The following ATRX variants were observed in gnomAD, a reference collection of about 807,000 sequenced individuals.
ATRX encodes chromatin remodeler ATRX.
In ATRX, 12 loss-of-function variants were observed where a neutral mutation model predicts 172.6. That is an observed-to-expected ratio of 0.07 (90% CI 0.04 to 0.11). The LOEUF (loss-of-function observed/expected upper bound fraction) is 0.11. Among genes scored for constraint, ATRX ranks in the 10% least tolerant of loss-of-function variants. The pLI, the probability that ATRX is intolerant of heterozygous loss-of-function variation, is 1.00. For missense variants in ATRX, 1,368 were observed against 1,767.4 expected (o/e 0.77, Z 4.05); for synonymous variants, 674 against 594.7 (o/e 1.13, Z -1.94).
intron 23 of ATRX, 83 bp from the exon 24 acceptor site, chrX:77,599,903 G>C: frequency 1.2e-6 from 1 of 805,613 alleles, no homozygotes; most frequent in African/African-American, 2.0e-5. Context: ...TTAAGAATAA[G>C]TTAATTGGCA....
intron 9 of ATRX, among the ~76,000 whole-genome samples, chrX:77,677,874 C>T (rs1447608845): frequency 1.8e-5 from 2 of 110,817 alleles, no homozygotes; most frequent in East Asian, 5.6e-4. Flanking sequence ...AGGAAAAAAT[C>T]TATAAAGGAA....
At chrX:77,642,648 CCAAAAAAAAAA>C (rs1407928429) in intron 15 of ATRX, among the ~76,000 whole-genome samples, 1 of 99,822 alleles carries the variant, frequency 1.0e-5, no homozygotes, top group African/African-American at 3.7e-5. Context: ...AAGACTGTCT[CCAAAAAAAAAA>C]CAAAAAAAAA....
At chrX:77,749,643 C>T (rs183004925) in intron 1 of ATRX, among the ~76,000 whole-genome samples, 62 of 111,435 alleles carry the variant, frequency 5.6e-4, no homozygotes, top group African/African-American at 2.0e-3. Flanking sequence ...TACAGTAATC[C>T]CACTTTGTCC....
chrX:77,569,661 A>G (rs1333541793), intron 28 of ATRX, among the ~76,000 whole-genome samples: 1 of 111,997 alleles, frequency 8.9e-6, no homozygotes, highest in Non-Finnish European at 1.9e-5. Flanking sequence ...CAATAACTCA[A>G]AAAGAGAAAT....
chrX:77,530,868 C>T (rs781918694), intron 30 of ATRX, among the ~76,000 whole-genome samples: 49 of 110,354 alleles, frequency 4.4e-4, no homozygotes, highest in East Asian at 3.7e-3. Context: ...ATAGTTAGAC[C>T]GCTAGCTAGG....
chrX:77,771,831 G>A (rs1446582876), intron 1 of ATRX, among the ~76,000 whole-genome samples: 2 of 111,212 alleles, frequency 1.8e-5, no homozygotes, highest in Middle Eastern at 8.5e-3. Flanking sequence ...AAATATTTTT[G>A]CTTGTCACAA....
intron 1 of ATRX, among the ~76,000 whole-genome samples, chrX:77,757,032 C>T (rs781809665): frequency 1.8e-5 from 2 of 111,386 alleles, no homozygotes; most frequent in South Asian, 3.8e-4. Flanking sequence ...GTGATCCATC[C>T]GCTTCAACTT....
At position 77,753,899 on chromosome X, in the gene ATRX, T is replaced by C. The variant is rs139526758; in HGVS notation, c.20+32083A>G. On this transcript the variant is annotated intron_variant, in intron 1 of 34. Transcript: ENST00000373344. ...TTCACGTCCTGAATATTTTTGTTAA[T>C]TTTCTGTCTCAGTGATCTGTCTAAT... 3.5e-3 allele frequency among the ~76,000 whole-genome samples: 393 copies of C among 111,592 alleles called. 3 individuals carry two copies. The highest frequency in any genetic ancestry group is 0.012 in the African/African-American group (374 of 30,737).
chrX:77,548,740 G>A (rs782519996), intron 30 of ATRX, among the ~76,000 whole-genome samples: 134 of 112,072 alleles, frequency 1.2e-3, no homozygotes, highest in African/African-American at 4.2e-3. Flanking sequence ...ACCATCTGCC[G>A]GCTAATAAAA....
At chrX:77,613,575 T>C (rs1557095281) in intron 22 of ATRX, among the ~76,000 whole-genome samples, 1 of 112,351 alleles carries the variant, frequency 8.9e-6, no homozygotes, top group African/African-American at 3.2e-5. Context: ...ATTCACAGAA[T>C]GTGAAACCTA....
intron 1 of ATRX, among the ~76,000 whole-genome samples, chrX:77,737,099 C>CAA (rs1248308285): frequency 1.0e-5 from 1 of 96,254 alleles, no homozygotes. Flanking sequence ...TTAATGGGTA[C>CAA]AAAAAAAAAA....
At chrX:77,662,786 C>A (rs1557123557) in intron 12 of ATRX, among the ~76,000 whole-genome samples, 3 of 111,465 alleles carry the variant, frequency 2.7e-5, no homozygotes, top group African/African-American at 9.8e-5. Flanking sequence ...ACCTCCGCCT[C>A]CTGGGTTCAA....
chrX:77,725,607 C>A (rs1418691402), intron 1 of ATRX, among the ~76,000 whole-genome samples: 1 of 111,541 alleles, frequency 9.0e-6, no homozygotes, highest in Admixed American at 9.6e-5. Flanking sequence ...GCAACAAAAG[C>A]CAAAATTGAC....
Position 77,752,170 on chromosome X carries a change from T to C in ATRX, c.20+33812A>G, listed in dbSNP as rs138738183. On this transcript the variant is annotated intron_variant, in intron 1 of 34. Transcript: ENST00000373344. Reference sequence around the variant, plus strand: ...CCTTATTTCCTCAAGCAGTGGTTTGTAGTTCTCCTTGAAGAGGCCCTTCAC... The same window carrying C: ...CCTTATTTCCTCAAGCAGTGGTTTGCAGTTCTCCTTGAAGAGGCCCTTCAC... Among the ~76,000 whole-genome samples, 17 of 112,038 alleles carry C rather than the reference T, an allele frequency of 1.5e-4. No individual in the cohort carries two copies. The East Asian group carries it at 3.9e-3, about 26-fold the overall frequency.
At chrX:77,620,290 T>C (rs45450695) in intron 20 of ATRX, 105 bp downstream of exon 20, 31,611 of 906,512 alleles carry the variant, frequency 0.035, 520 homozygotes, top group East Asian at 0.097. Flanking sequence ...GATCATGGTC[T>C]AGGACTATAC....
intron 26 of ATRX, 36 bp downstream of exon 26, chrX:77,593,660 G>T (rs781785529): frequency 6.0e-6 from 7 of 1,158,440 alleles, no homozygotes; most frequent in Admixed American, 2.2e-5. Flanking sequence ...ATAATCAAAA[G>T]GTTAATTTAT....
intron 34 of ATRX, among the ~76,000 whole-genome samples, chrX:77,516,790 T>A (rs960422049): frequency 8.9e-6 from 1 of 111,969 alleles, no homozygotes; most frequent in Non-Finnish European, 1.9e-5. Flanking sequence ...TTCTTTTCCT[T>A]GGCACATAAA....
intron 13 of ATRX, among the ~76,000 whole-genome samples, chrX:77,656,127 G>A (rs2069536667): frequency 9.0e-6 from 1 of 111,466 alleles, no homozygotes; most frequent in Non-Finnish European, 1.9e-5. Flanking sequence ...TATAAACCTT[G>A]TACACGTATT....
chrX:77,656,803 C>T (rs2035384890), intron 12 of ATRX, 150 bp from the exon 13 acceptor site: 1 of 401,433 alleles, frequency 2.5e-6, no homozygotes, highest in Non-Finnish European at 4.3e-6. Flanking sequence ...ATAGAATATA[C>T]CAGTTAATGC....
Sources: gnomAD v4.1 joint callset for allele counts (sites outside exome capture counted in the v4.1 genomes callset) on GRCh38, gnomAD v4.1.1 for gene constraint, MANE v1.5 for transcripts, NCBI Gene and HGNC (gene_info 2026-07-23, HGNC 2026-07-21) for gene names.